TMEM272: variants seen among roughly 807,000 people sequenced by gnomAD.
TMEM272 encodes the protein transmembrane protein 272.
In TMEM272, 8 loss-of-function variants were observed where a neutral mutation model predicts 3.7. That is an observed-to-expected ratio of 2.17 (90% CI 1.27 to 3.91). TMEM272 has a LOEUF of 3.91. Ranked by LOEUF, TMEM272 falls within the 30% of genes most tolerant of loss-of-function variation. The pLI, the probability that TMEM272 is intolerant of heterozygous loss-of-function variation, is 0.00. For synonymous variants in TMEM272, 63 were observed against 39.8 expected (o/e 1.58, Z -2.20); for missense variants, 166 against 91.5 (o/e 1.81, Z -3.32).
chr13:51,865,030 G>T, the TMEM272 span, among the ~76,000 whole-genome samples: 1 of 152,178 alleles, frequency 6.6e-6, no homozygotes, highest in Non-Finnish European at 1.5e-5. Context: ...TTTAACAAAC[G>T]TAAATTCTTC....
chr13:51,853,051 T>G, the TMEM272 span, among the ~76,000 whole-genome samples: 2 of 152,106 alleles, frequency 1.3e-5, no homozygotes, highest in Non-Finnish European at 2.9e-5. Flanking sequence ...ATGTTTTGTA[T>G]GTTATATGTA....
chr13:51,852,715 T>G, the TMEM272 span, among the ~76,000 whole-genome samples: 2 of 151,974 alleles, frequency 1.3e-5, no homozygotes, highest in Non-Finnish European at 2.9e-5. Context: ...CCGTCTCTAC[T>G]AAAAATACAA....
chr13:51,840,645 C>T (rs1160101059), intron 1 of TMEM272, among the ~76,000 whole-genome samples: 2 of 152,216 alleles, frequency 1.3e-5, no homozygotes, highest in African/African-American at 2.4e-5. Context: ...AGGCTCCCTG[C>T]CCACTGTTCT....
the TMEM272 span, among the ~76,000 whole-genome samples, chr13:51,920,430 C>T: frequency 1.3e-5 from 2 of 152,296 alleles, no homozygotes; most frequent in East Asian, 3.9e-4. Context: ...CCCCTACAAT[C>T]CACTCACCAC....
chr13:51,912,193 G>A, the TMEM272 span, among the ~76,000 whole-genome samples: 4 of 152,174 alleles, frequency 2.6e-5, no homozygotes, highest in East Asian at 1.9e-4. Context: ...GCCAAGATGC[G>A]GTGGTTTTCC....
the TMEM272 span, chr13:51,934,173 C>T: frequency 5.5e-6 from 1 of 182,378 alleles, no homozygotes; most frequent in African/African-American, 2.3e-5. Flanking sequence ...GTCCCACCCT[C>T]CCAGGTGACA....
chr13:51,881,117 C>T, the TMEM272 span, among the ~76,000 whole-genome samples: 6 of 151,996 alleles, frequency 3.9e-5, no homozygotes, highest in Non-Finnish European at 5.9e-5. Flanking sequence ...TGGGTGTGGC[C>T]GAACAACTGA....
upstream of TMEM272, among the ~76,000 whole-genome samples, chr13:51,849,952 A>G (rs1489392728): frequency 1.3e-5 from 2 of 152,196 alleles, no homozygotes; most frequent in African/African-American, 2.4e-5. Context: ...ACAGTGGCTC[A>G]TGCCCGTGAC....
At chr13:51,907,152 C>T in the TMEM272 span, among the ~76,000 whole-genome samples, 4 of 152,178 alleles carry the variant, frequency 2.6e-5, no homozygotes, top group Non-Finnish European at 1.5e-5. Flanking sequence ...TGAGGCTTTA[C>T]GTGGCCTTGT....
the TMEM272 span, among the ~76,000 whole-genome samples, chr13:51,904,677 GATGCTCAAAGGTC>G: frequency 6.6e-6 from 1 of 152,160 alleles, no homozygotes; most frequent in Non-Finnish European, 1.5e-5. Context: ...GTATCAATAT[GATGCTCAAAGGTC>G]ATGCTCAAAG....
chr13:51,904,211 AATG>A, the TMEM272 span, among the ~76,000 whole-genome samples: 17 of 151,962 alleles, frequency 1.1e-4, no homozygotes, highest in African/African-American at 1.9e-4. Flanking sequence ...TGGTAATATT[AATG>A]ATGATGATGA....
At chr13:51,907,788 T>A in the TMEM272 span, among the ~76,000 whole-genome samples, 14 of 152,362 alleles carry the variant, frequency 9.2e-5, no homozygotes, top group African/African-American at 3.4e-4. Context: ...CATCTCTCCA[T>A]ACCTGAAGAA....
At chr13:51,847,250 A>C (rs970322452), upstream of TMEM272, among the ~76,000 whole-genome samples, 3 of 152,210 alleles carry the variant, frequency 2.0e-5, no homozygotes, top group Non-Finnish European at 4.4e-5. Context: ...GCCCCACAGC[A>C]GGAGATGAGT....
chr13:51,872,368 A>G, the TMEM272 span, among the ~76,000 whole-genome samples: 1 of 151,552 alleles, frequency 6.6e-6, no homozygotes, highest in Non-Finnish European at 1.5e-5. Context: ...AAGATGAGCA[A>G]AAAGACAAAC....
At chr13:51,900,584 A>C in the TMEM272 span, among the ~76,000 whole-genome samples, 1 of 152,214 alleles carries the variant, frequency 6.6e-6, no homozygotes, top group Non-Finnish European at 1.5e-5. Flanking sequence ...AGTTACCATA[A>C]TAGCCTAGCA....
At chr13:51,835,076 T>C (rs1956203589) in intron 2 of TMEM272, among the ~76,000 whole-genome samples, 1 of 152,090 alleles carries the variant, frequency 6.6e-6, no homozygotes, top group African/African-American at 2.4e-5. Context: ...CCCTACTCCC[T>C]GGATGAACGC....
the TMEM272 span, among the ~76,000 whole-genome samples, chr13:51,912,587 T>C: frequency 1.3e-5 from 2 of 152,184 alleles, no homozygotes; most frequent in African/African-American, 2.4e-5. Flanking sequence ...TTATTGCCAA[T>C]TTGTTTCTCT....
chr13:51,906,682 G>C, the TMEM272 span, among the ~76,000 whole-genome samples: 1 of 152,174 alleles, frequency 6.6e-6, no homozygotes, highest in Non-Finnish European at 1.5e-5. Context: ...CAAACAGTTT[G>C]CAAACAGGCC....
In TMEM272 at chr13:51,813,482, G is replaced by A. The variant is rs551451771; in HGVS notation, c.*3269C>T. 2.9e-5 allele frequency: 11 copies of A among 383,216 alleles called. No homozygotes were observed. The highest frequency in any genetic ancestry group is 2.6e-4 in the East Asian group (7 of 26,968). The allele number at this position is 383,216 out of a possible 1,614,324, so 23.7% of individuals were successfully genotyped here. The stretch of plus-strand genomic sequence containing the variant: ...ATACTAAAAGAGAAGGAAATAACAC[G>A]AAGTACTGGAAGTGACATTATATTG... On this transcript the variant is annotated 3_prime_UTR_variant, in exon 5 of 5. Transcript: ENST00000629372.
Sources: allele counts gnomAD v4.1 joint callset (sites outside exome capture counted in the v4.1 genomes callset), GRCh38; gene constraint gnomAD v4.1.1; transcripts MANE v1.5; gene names NCBI Gene and HGNC (gene_info 2026-07-23, HGNC 2026-07-21).